AGBL4: variants seen among roughly 807,000 people sequenced by gnomAD.
The protein encoded by AGBL4 is AGBL carboxypeptidase 4.
AGBL4 carries 58 observed loss-of-function variants against 66.4 expected under a neutral mutation model. That is an observed-to-expected ratio of 0.87 (90% CI 0.71 to 1.09). The LOEUF (loss-of-function observed/expected upper bound fraction) is 1.09. Among genes scored for constraint, AGBL4 ranks in the 50% least tolerant of loss-of-function variants. AGBL4 has a pLI of 0.00. For missense variants in AGBL4, 579 were observed against 631.0 expected (o/e 0.92, Z 0.88); for synonymous variants, 234 against 222.9 (o/e 1.05, Z -0.44).
chr1:48,997,742 T>C (rs957921103), intron 5 of AGBL4, among the ~76,000 whole-genome samples: 3 of 152,190 alleles, frequency 2.0e-5, no homozygotes, highest in Non-Finnish European at 4.4e-5. Context: ...GCCTACTTCA[T>C]AGGAATATTA....
At chr1:48,725,752 A>G (rs1276582204) in intron 6 of AGBL4, among the ~76,000 whole-genome samples, 1 of 152,198 alleles carries the variant, frequency 6.6e-6, no homozygotes, top group Non-Finnish European at 1.5e-5. Context: ...TATGGGTGTA[A>G]GAATGATGGT....
At chr1:49,972,164 C>T (rs562437269) in intron 1 of AGBL4, among the ~76,000 whole-genome samples, 1 of 151,654 alleles carries the variant, frequency 6.6e-6, no homozygotes, top group African/African-American at 2.4e-5. Context: ...TGATCCAGGC[C>T]TCCCAAAGTG....
intron 3 of AGBL4, among the ~76,000 whole-genome samples, chr1:49,496,317 T>C (rs1484135670): frequency 1.3e-5 from 2 of 152,072 alleles, no homozygotes; most frequent in Non-Finnish European, 2.9e-5. Flanking sequence ...GAAATATGTA[T>C]ACATTGTGGA....
At chr1:49,687,498 A>G (rs1003112263) in intron 3 of AGBL4, among the ~76,000 whole-genome samples, 1 of 152,172 alleles carries the variant, frequency 6.6e-6, no homozygotes, top group Non-Finnish European at 1.5e-5. Context: ...TGGGCAGAGC[A>G]CAACGGTTCA....
chr1:49,266,814 A>G (rs1181213530), intron 3 of AGBL4, among the ~76,000 whole-genome samples: 1 of 152,228 alleles, frequency 6.6e-6, no homozygotes, highest in Non-Finnish European at 1.5e-5. Flanking sequence ...TCATTAAGAC[A>G]TATGAGCATG....
At chr1:49,681,178 A>G (rs1646685753) in intron 3 of AGBL4, among the ~76,000 whole-genome samples, 1 of 152,148 alleles carries the variant, frequency 6.6e-6, no homozygotes, top group African/African-American at 2.4e-5. Flanking sequence ...CTCAGCAGAT[A>G]CTTCTAACTG....
In AGBL4 at chr1:48,958,907, C is replaced by T. The variant is rs553267975; in HGVS notation, c.594+86677G>A. Among the ~76,000 whole-genome samples, 175 of 152,350 alleles carry T rather than the reference C, an allele frequency of 1.1e-3. 2 individuals carry two copies. The highest frequency in any genetic ancestry group is 4.1e-3 in the African/African-American group (171 of 41,586). The stretch of plus-strand genomic sequence containing the variant: ...TTTGCACTTAGTTCTATGTCATTCT[C>T]TCATTCTCATTAGCCAACCATCTGT... On this transcript the variant is annotated intron_variant, in intron 5 of 13. Transcript: ENST00000371839.
chr1:49,247,120 G>T (rs1218796322), intron 3 of AGBL4, among the ~76,000 whole-genome samples: 1 of 151,988 alleles, frequency 6.6e-6, no homozygotes, highest in Non-Finnish European at 1.5e-5. Flanking sequence ...CAGATAAGAT[G>T]TCCATGATTT....
At chr1:49,270,885 A>G (rs1644043779) in intron 3 of AGBL4, among the ~76,000 whole-genome samples, 1 of 152,196 alleles carries the variant, frequency 6.6e-6, no homozygotes, top group African/African-American at 2.4e-5. Flanking sequence ...AAACTAAAAT[A>G]AAAACATAAT....
chr1:49,948,098 GTATATA>G lies in AGBL4; in HGVS notation c.34+75659_34+75664del, dbSNP rs557776678. On this transcript the variant is annotated intron_variant, in intron 1 of 13. Coordinates refer to ENST00000371839, the MANE Select transcript of AGBL4 (RefSeq NM_032785.4). ...TAAATATATGTAAATATATGTATAT[GTATATA>G]TATGTAAATGTATGTAAATATATAT... Among the ~76,000 whole-genome samples the G allele has an allele frequency of 4.3e-4, 38 of 87,608 alleles. No individual in the cohort carries two copies. In the South Asian group the frequency reaches 7.0e-3, roughly 16 times the overall value. 57.5% of individuals were successfully genotyped at this position (87,608 alleles called of 152,430 possible).
rs983563016 is a variant in AGBL4 at position 49,733,917 on chromosome 1, T to C, written c.158-36480A>G. Among the ~76,000 whole-genome samples, 20 of 152,120 alleles carry C rather than the reference T, an allele frequency of 1.3e-4. 1 individual carries two copies. Among genetic ancestry groups the C allele is most frequent in the Admixed American group, 8.5e-4 (13 of 15,252 alleles). ...CAAATAGACTAAATCCTTTAAAATA[T>C]TGAAAGGATTATACACTATGACTAA... is the stretch of plus-strand genomic sequence containing the variant. On this transcript the variant is annotated intron_variant, in intron 2 of 13. Transcript: ENST00000371839.
rs1216330805 is a variant in AGBL4, at chr1:48,602,750, G to C, written c.952-11765C>G. On this transcript the variant is annotated intron_variant, in intron 9 of 13. Coordinates refer to ENST00000371839, the MANE Select transcript of AGBL4 (RefSeq NM_032785.4). The stretch of plus-strand genomic sequence containing the variant: ...GAAAACAGGAAGAAGAAAGGTACAG[G>C]CAGGCACTTGGCATCTCTCCCTTCA... Among the ~76,000 whole-genome samples, 3 of 152,164 alleles carry C rather than the reference G, an allele frequency of 2.0e-5. No homozygotes were observed. In the South Asian group the frequency reaches 6.2e-4, roughly 32 times the overall value.
Position 49,726,498 on chromosome 1 carries a change from T to C in AGBL4, c.158-29061A>G, listed in dbSNP as rs140629378. Among the ~76,000 whole-genome samples the C allele has an allele frequency of 3.0e-3, 460 of 152,184 alleles. 3 individuals carry two copies. The highest frequency in any genetic ancestry group is 5.5e-3 in the Non-Finnish European group (373 of 67,980). On this transcript the variant is annotated intron_variant, in intron 2 of 13. Transcript: ENST00000371839. ...AGGAATGGCAGAGAGTATGAGACAA[T>C]AGAAACCCTAACCAAAGCAGTGGCA...
chr1:49,800,197 T>C (rs1644825239), intron 2 of AGBL4, among the ~76,000 whole-genome samples: 1 of 152,142 alleles, frequency 6.6e-6, no homozygotes, highest in African/African-American at 2.4e-5. Context: ...TGTGACTTGT[T>C]TCCAACCAAA....
At chr1:49,192,824 G>A (rs1383581497) in intron 4 of AGBL4, among the ~76,000 whole-genome samples, 1 of 152,114 alleles carries the variant, frequency 6.6e-6, no homozygotes, top group Non-Finnish European at 1.5e-5. Context: ...ACAATGATAA[G>A]TTGGTGAGGT....
intron 3 of AGBL4, among the ~76,000 whole-genome samples, chr1:49,631,489 A>G (rs1558117379): frequency 6.6e-6 from 1 of 152,138 alleles, no homozygotes; most frequent in Non-Finnish European, 1.5e-5. Context: ...AAATGCCCAA[A>G]TCATTGTACC....
intron 5 of AGBL4, among the ~76,000 whole-genome samples, chr1:48,935,505 A>G (rs1282864220): frequency 2.0e-5 from 3 of 152,074 alleles, no homozygotes; most frequent in Non-Finnish European, 2.9e-5. Context: ...GTTGCCACCC[A>G]CTTCAACGAT....
At chr1:49,133,199 G>A (rs867987909) in intron 4 of AGBL4, among the ~76,000 whole-genome samples, 15 of 152,218 alleles carry the variant, frequency 9.9e-5, no homozygotes, top group Middle Eastern at 3.4e-3. Flanking sequence ...GATAACACAT[G>A]GACACAGAGA....
intron 6 of AGBL4, among the ~76,000 whole-genome samples, chr1:48,809,641 T>C (rs1353577709): frequency 6.6e-6 from 1 of 152,074 alleles, no homozygotes; most frequent in East Asian, 1.9e-4. Context: ...GCAAACCACA[T>C]GTGATTATTA....
Sources: allele counts gnomAD v4.1 joint callset (sites outside exome capture counted in the v4.1 genomes callset), GRCh38; gene constraint gnomAD v4.1.1; transcripts MANE v1.5; gene names NCBI Gene and HGNC (gene_info 2026-07-23, HGNC 2026-07-21).